RFPL1: variants seen among roughly 807,000 people sequenced by gnomAD.
RFPL1 encodes ret finger protein-like 1.
In RFPL1, 6 loss-of-function variants were observed where a neutral mutation model predicts 9.6. That is an observed-to-expected ratio of 0.62 (90% CI 0.34 to 1.23). RFPL1 has a LOEUF of 1.23. Among genes scored for constraint, RFPL1 ranks in the 50% most tolerant of loss-of-function variants. RFPL1 has a pLI of 0.03. For synonymous variants in RFPL1, 145 were observed against 149.4 expected (o/e 0.97, Z 0.22); for missense variants, 352 against 398.4 (o/e 0.88, Z 0.99).
upstream of RFPL1, chr22:29,436,685 A>C (rs547114703): frequency 6.6e-5 from 10 of 152,218 alleles, no homozygotes; most frequent in Admixed American, 1.3e-4. Context: ...GTATCAAAAT[A>C]TTACTGTGTG....
At chr22:29,435,645 C>T (rs1170066470), upstream of RFPL1, among the ~76,000 whole-genome samples, 5 of 152,034 alleles carry the variant, frequency 3.3e-5, no homozygotes, top group Non-Finnish European at 5.9e-5. Context: ...ACACTGAATC[C>T]CAAGGAGTGA....
chr22:29,414,924 C>T, the RFPL1 span, among the ~76,000 whole-genome samples: 14 of 152,076 alleles, frequency 9.2e-5, no homozygotes, highest in South Asian at 2.5e-3. Context: ...AAGCAGTTGC[C>T]GCTACAGACT....
chr22:29,441,247 T>C, intron 1 of RFPL1: 1 of 413,174 alleles, frequency 2.4e-6, no homozygotes, highest in Non-Finnish European at 4.3e-6. Context: ...AGAAAGGGGG[T>C]CATGGTGTCT....
At chr22:29,437,838 G>A, upstream of RFPL1, 1 of 1,130,036 alleles carries the variant, frequency 8.8e-7, no homozygotes, top group Non-Finnish European at 1.2e-6. Flanking sequence ...TTCAACAAAG[G>A]CTGTCTGAGT....
At chr22:29,430,548 T>C in the RFPL1 span, among the ~76,000 whole-genome samples, 1 of 152,158 alleles carries the variant, frequency 6.6e-6, no homozygotes, top group Non-Finnish European at 1.5e-5. Flanking sequence ...AACAGGATCT[T>C]GTAAGGCTCT....
the RFPL1 span, among the ~76,000 whole-genome samples, chr22:29,411,437 T>A: frequency 1.3e-5 from 2 of 152,258 alleles, no homozygotes; most frequent in Non-Finnish European, 2.9e-5. Flanking sequence ...ACCCTTGGGC[T>A]ATGTAGAACA....
chr22:29,428,020 G>C, the RFPL1 span, among the ~76,000 whole-genome samples: 1 of 152,198 alleles, frequency 6.6e-6, no homozygotes, highest in African/African-American at 2.4e-5. Flanking sequence ...ACCACAACCG[G>C]AGACATAGAC....
exon 1 of RFPL1, chr22:29,438,836 C>A (rs61734573): frequency 6.2e-7 from 1 of 1,613,936 alleles, no homozygotes; most frequent in Admixed American, 1.7e-5. Context: ...TTTCACCTCA[C>A]GGAAATTTTC....
chr22:29,412,392 C>T, the RFPL1 span, among the ~76,000 whole-genome samples: 6 of 152,048 alleles, frequency 3.9e-5, no homozygotes, highest in Admixed American at 2.0e-4. Flanking sequence ...GCAGTGGCAG[C>T]GCTCCCGAGT....
exon 2 of RFPL1, chr22:29,442,178 CT>C: frequency 7.7e-7 from 1 of 1,300,924 alleles, no homozygotes; most frequent in South Asian, 1.6e-5. Context: ...GGTGGGCAGA[CT>C]TAGGAACGCT....
In RFPL1 at chr22:29,438,998, G is replaced by A. The variant is rs1193519663; in HGVS notation, c.207G>A (p.Lys69=). The A allele has an allele frequency of 2.5e-6, 4 of 1,613,952 alleles. No individual in the cohort carries two copies. The African/African-American group carries it at 5.3e-5, about 22-fold the overall frequency. Reference sequence around the variant, plus strand: ...TCAAGTGCATCAATTCACTGCAGAAGGAGCCCCATGGGGAGGATCTACTTT... The same window carrying A: ...TCAAGTGCATCAATTCACTGCAGAAAGAGCCCCATGGGGAGGATCTACTTT... The change falls in exon 1 of 2, where the codon AAG becomes AAA. Residue 69 remains lysine, a synonymous_variant. Transcript: ENST00000354373.
At chr22:29,399,416 G>T in the RFPL1 span, among the ~76,000 whole-genome samples, 1 of 152,128 alleles carries the variant, frequency 6.6e-6, no homozygotes. Context: ...GAACAAAATA[G>T]ACCTCACCTC....
the RFPL1 span, among the ~76,000 whole-genome samples, chr22:29,406,007 G>A: frequency 6.7e-6 from 1 of 149,770 alleles, no homozygotes; most frequent in African/African-American, 2.5e-5. Context: ...TACTCGGGAG[G>A]CTGAGGCAGG....
chr22:29,441,618 G>A (rs143498009), exon 2 of RFPL1: 7 of 1,613,792 alleles, frequency 4.3e-6, no homozygotes, highest in Non-Finnish European at 5.9e-6. Flanking sequence ...TCCGAAGTGG[G>A]TGCATCACAC....
chr22:29,438,907 G>C, exon 1 of RFPL1: 1 of 1,614,002 alleles, frequency 6.2e-7, no homozygotes. Context: ...GAAGCAAGCA[G>C]CTGTCCCGTC....
chr22:29,398,010 G>A, the RFPL1 span, among the ~76,000 whole-genome samples: 1 of 152,204 alleles, frequency 6.6e-6, no homozygotes, highest in Non-Finnish European at 1.5e-5. Context: ...CCCACATCGA[G>A]CAGGGCAAAT....
chr22:29,430,802 T>C, the RFPL1 span, among the ~76,000 whole-genome samples: 6 of 152,318 alleles, frequency 3.9e-5, no homozygotes, highest in African/African-American at 1.4e-4. Flanking sequence ...TATTTCATTG[T>C]AACAGTTTCA....
the RFPL1 span, among the ~76,000 whole-genome samples, chr22:29,394,878 G>A: frequency 1.3e-5 from 2 of 152,180 alleles, no homozygotes; most frequent in African/African-American, 4.8e-5. Context: ...GGCCAGGGCT[G>A]ATGACGGCAG....
At chr22:29,389,319 T>C in the RFPL1 span, among the ~76,000 whole-genome samples, 1 of 150,530 alleles carries the variant, frequency 6.6e-6, no homozygotes, top group African/African-American at 2.5e-5. Context: ...GCCCAGGAGG[T>C]TGAGGTTACA....
Sources: allele counts gnomAD v4.1 joint callset (sites outside exome capture counted in the v4.1 genomes callset), GRCh38; gene constraint gnomAD v4.1.1; transcripts MANE v1.5; gene names NCBI Gene and HGNC (gene_info 2026-07-23, HGNC 2026-07-21).